The following SLC6A11 variants were observed in gnomAD, a reference collection of about 807,000 sequenced individuals.
The protein encoded by SLC6A11 is sodium- and chloride-dependent GABA transporter 3.
Under a neutral mutation model 74.8 loss-of-function variants are expected in SLC6A11, and 25 were observed. The observed-to-expected ratio is 0.33, with a 90% CI of 0.24 to 0.47. SLC6A11 has a LOEUF of 0.47. Among genes scored for constraint, SLC6A11 ranks in the 20% least tolerant of loss-of-function variants. SLC6A11 has a pLI of 1.00. For missense variants in SLC6A11, 574 were observed against 837.0 expected (o/e 0.69, Z 3.88); for synonymous variants, 330 against 330.2 (o/e 1.00, Z 0.01).
chr3:10,874,441 A>C (rs1163611254), intron 5 of SLC6A11, among the ~76,000 whole-genome samples: 1 of 152,116 alleles, frequency 6.6e-6, no homozygotes, highest in Non-Finnish European at 1.5e-5. Flanking sequence ...TGCACCAGGA[A>C]GCCCTTCTTT....
chr3:10,837,563 G>C (rs1044104150), intron 4 of SLC6A11, among the ~76,000 whole-genome samples: 2 of 152,202 alleles, frequency 1.3e-5, no homozygotes, highest in African/African-American at 4.8e-5. Flanking sequence ...AATAATAGCT[G>C]TCCTCACCTG....
chr3:10,823,455 G>C, intron 4 of SLC6A11, 63 bp downstream of exon 4: 1 of 1,119,420 alleles, frequency 8.9e-7, no homozygotes, highest in Non-Finnish European at 1.4e-6. Context: ...CTGCTCAGTT[G>C]GTCTTGCCCC....
At chr3:10,842,468 T>C (rs1694450529) in intron 4 of SLC6A11, among the ~76,000 whole-genome samples, 1 of 152,216 alleles carries the variant, frequency 6.6e-6, no homozygotes, top group Non-Finnish European at 1.5e-5. Context: ...TATTCTATTA[T>C]ACTCATAGAT....
At chr3:10,889,266 TTTA>T (rs1446430864) in intron 6 of SLC6A11, among the ~76,000 whole-genome samples, 1 of 152,140 alleles carries the variant, frequency 6.6e-6, no homozygotes, top group African/African-American at 2.4e-5. Context: ...CCAATATTGA[TTTA>T]TTATTATTAA....
At chr3:10,920,415 G>A (rs1342213176) in intron 8 of SLC6A11, among the ~76,000 whole-genome samples, 1 of 152,072 alleles carries the variant, frequency 6.6e-6, no homozygotes, top group East Asian at 1.9e-4. Flanking sequence ...TATTATCCTT[G>A]GCATTATGTA....
chr3:10,840,643 C>T (rs891249237), intron 4 of SLC6A11, among the ~76,000 whole-genome samples: 11 of 152,334 alleles, frequency 7.2e-5, no homozygotes, highest in South Asian at 2.1e-4. Context: ...TTGGGGTATG[C>T]ATTTACCGTA....
At chr3:10,879,653 T>C (rs1011130569) in intron 6 of SLC6A11, among the ~76,000 whole-genome samples, 3 of 152,204 alleles carry the variant, frequency 2.0e-5, no homozygotes, top group Admixed American at 1.3e-4. Flanking sequence ...TGTATGTTTA[T>C]AGGCATTAGG....
At chr3:10,928,350 G>A (rs1055330546) in intron 9 of SLC6A11, among the ~76,000 whole-genome samples, 1 of 152,134 alleles carries the variant, frequency 6.6e-6, no homozygotes, top group South Asian at 2.1e-4. Flanking sequence ...CCCCCAGGGT[G>A]AGGGGTGTGC....
chr3:10,913,611 G>T (rs1051040083), intron 7 of SLC6A11, among the ~76,000 whole-genome samples: 14 of 152,290 alleles, frequency 9.2e-5, no homozygotes, highest in African/African-American at 3.1e-4. Context: ...TACACAGGGG[G>T]TTTATATCCA....
chr3:10,911,582 G>A (rs1485837754), intron 6 of SLC6A11, among the ~76,000 whole-genome samples: 1 of 152,158 alleles, frequency 6.6e-6, no homozygotes, highest in Admixed American at 6.5e-5. Flanking sequence ...ACCCTGGACA[G>A]AATCTTATGA....
intron 5 of SLC6A11, among the ~76,000 whole-genome samples, chr3:10,854,866 T>A (rs1694619292): frequency 6.6e-6 from 1 of 152,172 alleles, no homozygotes; most frequent in African/African-American, 2.4e-5. Flanking sequence ...TAAAATAAGC[T>A]CCCGAAGGAC....
chr3:10,886,302 A>G (rs1260175554), intron 6 of SLC6A11, among the ~76,000 whole-genome samples: 1 of 152,180 alleles, frequency 6.6e-6, no homozygotes, highest in Non-Finnish European at 1.5e-5. Context: ...TCAGGATTCA[A>G]ATCAAGACTG....
intron 5 of SLC6A11, among the ~76,000 whole-genome samples, chr3:10,866,586 C>G (rs564925653): frequency 6.9e-4 from 105 of 152,316 alleles, no homozygotes; most frequent in African/African-American, 2.3e-3. Flanking sequence ...GCCCCACACA[C>G]GGGCTAATTT....
At chr3:10,864,405 G>C (rs146683184) in intron 5 of SLC6A11, among the ~76,000 whole-genome samples, 5 of 151,588 alleles carry the variant, frequency 3.3e-5, no homozygotes, top group Admixed American at 3.3e-4. Flanking sequence ...CAGTAACTGC[G>C]CGTGAGCCCC....
At chr3:10,906,506 A>G (rs1351362246) in intron 6 of SLC6A11, among the ~76,000 whole-genome samples, 1 of 152,232 alleles carries the variant, frequency 6.6e-6, no homozygotes, top group Non-Finnish European at 1.5e-5. Context: ...ATAAAGCTCT[A>G]ACATGTACTG....
chr3:10,836,128 C>T (rs947553331), intron 4 of SLC6A11, among the ~76,000 whole-genome samples: 3 of 152,196 alleles, frequency 2.0e-5, no homozygotes, highest in African/African-American at 7.2e-5. Context: ...TATGGTCTTT[C>T]GTGATTGGCT....
At position 10,865,407 on chromosome 3, in the gene SLC6A11, T is replaced by G. The variant is rs554593041; in HGVS notation, c.757-9554T>G. Among the ~76,000 whole-genome samples the G allele has an allele frequency of 1.2e-4, 18 of 152,272 alleles. 2 individuals are homozygous for G. In the South Asian group the frequency reaches 3.7e-3, roughly 32 times the overall value. On this transcript the variant is annotated intron_variant, in intron 5 of 13. Transcript: ENST00000254488. ...GGCCAGGCACAGTGGCTCACACCTG[T>G]AATCCCAGCACTTTGGGAGGCCGAG...
intron 6 of SLC6A11, among the ~76,000 whole-genome samples, chr3:10,911,029 C>T (rs1695380796): frequency 6.6e-6 from 1 of 152,018 alleles, no homozygotes; most frequent in African/African-American, 2.4e-5. Context: ...GCCATGTTGG[C>T]CAGGCTGCTC....
chr3:10,850,716 T>G (rs1017604536), intron 5 of SLC6A11, among the ~76,000 whole-genome samples: 2 of 151,664 alleles, frequency 1.3e-5, no homozygotes, highest in African/African-American at 4.8e-5. Flanking sequence ...GCGGCGGGGG[T>G]CAGGCGTCAT....
Sources: allele counts gnomAD v4.1 joint callset (sites outside exome capture counted in the v4.1 genomes callset), GRCh38; gene constraint gnomAD v4.1.1; transcripts MANE v1.5; gene names NCBI Gene and HGNC (gene_info 2026-07-23, HGNC 2026-07-21).